Variants in DNM3 observed in about 807,000 individuals in gnomAD.
DNM3 encodes the protein dynamin-3.
DNM3 carries 47 observed loss-of-function variants against 101.6 expected under a neutral mutation model. That is an observed-to-expected ratio of 0.46 (90% confidence interval 0.37 to 0.59). The LOEUF is 0.59. Ranked by LOEUF, DNM3 falls within the 20% of genes least tolerant of loss-of-function variation. The pLI is 0.00. For missense variants in DNM3, 849 were observed against 1,085.7 expected, an observed-to-expected ratio of 0.78 and a Z score of 3.06; for synonymous variants, 385 against 387.9, an observed-to-expected ratio of 0.99 and a Z score of 0.09.
chr1:172,118,760 A>C (rs1454393200), intron 13 of DNM3, among the ~76,000 whole-genome samples: 1 of 152,108 alleles, frequency 6.6e-6, no homozygotes, highest in Non-Finnish European at 1.5e-5. Flanking sequence ...GGAGAGCCAG[A>C]GTGGTTTTTC....
chr1:172,244,453 C>T (rs2061871266), intron 14 of DNM3, among the ~76,000 whole-genome samples: 1 of 151,480 alleles, frequency 6.6e-6, no homozygotes, highest in Non-Finnish European at 1.5e-5. Flanking sequence ...GCAACCTACT[C>T]ATCTGACAAA....
intron 1 of DNM3, among the ~76,000 whole-genome samples, chr1:171,847,796 G>T (rs1321633816): frequency 6.6e-6 from 1 of 151,976 alleles, no homozygotes; most frequent in African/African-American, 2.4e-5. Context: ...GGAGGGTAAA[G>T]GAGTTGACAC....
chr1:172,245,284 T>C lies in DNM3; in HGVS notation c.1660-8289T>C, dbSNP rs141103393. Among the ~76,000 whole-genome samples, 32 of 152,318 alleles carry C rather than the reference T, an allele frequency of 2.1e-4. 1 individual carries two copies. The East Asian group carries it at 5.6e-3, about 27-fold the overall frequency. Reference sequence around the variant, plus strand: ...TAATAGTAATGGAGTTGCTTGTTTCTTTAGGGGTTTATCTTGTAGTTGGAA... The same window carrying C: ...TAATAGTAATGGAGTTGCTTGTTTCCTTAGGGGTTTATCTTGTAGTTGGAA... On this transcript the variant is annotated intron_variant, in intron 14 of 20. Coordinates refer to ENST00000627582, the MANE Select transcript of DNM3 (RefSeq NM_015569.5).
chr1:172,065,319 C>T (rs1291711308), intron 10 of DNM3, among the ~76,000 whole-genome samples: 1 of 152,168 alleles, frequency 6.6e-6, no homozygotes, highest in African/African-American at 2.4e-5. Context: ...AGTTACTTCT[C>T]TGAGGCAATG....
intron 17 of DNM3, among the ~76,000 whole-genome samples, chr1:172,378,463 T>C (rs182969269): frequency 1.4e-4 from 22 of 152,228 alleles, no homozygotes; most frequent in Admixed American, 1.4e-3. Context: ...ACGTAACAAA[T>C]TCCAGCAAGT....
intron 15 of DNM3, among the ~76,000 whole-genome samples, chr1:172,276,992 T>A (rs1210102587): frequency 1.3e-5 from 2 of 151,952 alleles, no homozygotes. Flanking sequence ...TTTAAAAAAA[T>A]ATGTGGCTAG....
At chr1:172,152,940 C>T (rs1166934933) in intron 14 of DNM3, among the ~76,000 whole-genome samples, 1 of 152,150 alleles carries the variant, frequency 6.6e-6, no homozygotes, top group Non-Finnish European at 1.5e-5. Flanking sequence ...ACAGTGAAAA[C>T]ACTAAAGCCA....
intron 2 of DNM3, among the ~76,000 whole-genome samples, chr1:171,985,906 G>A (rs1159196259): frequency 2.0e-5 from 3 of 152,162 alleles, no homozygotes; most frequent in Admixed American, 6.5e-5. Context: ...AACTTAGGGT[G>A]CTGACACTCA....
At chr1:172,191,029 C>T (rs2059701006) in intron 14 of DNM3, among the ~76,000 whole-genome samples, 1 of 152,100 alleles carries the variant, frequency 6.6e-6, no homozygotes, top group South Asian at 2.1e-4. Flanking sequence ...AATTAGATCC[C>T]ATTTGTCAAT....
chr1:172,366,504 G>A (rs570965861), intron 17 of DNM3: 1 of 152,034 alleles, frequency 6.6e-6, no homozygotes, highest in African/African-American at 2.4e-5. Context: ...CTAGCTGAAT[G>A]TCTGGAAAAC....
intron 2 of DNM3, among the ~76,000 whole-genome samples, chr1:171,932,391 G>A (rs1310105435): frequency 3.3e-5 from 5 of 151,278 alleles, no homozygotes; most frequent in South Asian, 2.1e-4. Context: ...GTGATCTTCC[G>A]AAAACAATTT....
intron 2 of DNM3, among the ~76,000 whole-genome samples, chr1:171,932,292 C>G (rs2125372069): frequency 6.6e-6 from 1 of 151,568 alleles, no homozygotes; most frequent in East Asian, 1.9e-4. Flanking sequence ...CGGGCATGCA[C>G]CACCAGGCAA....
At chr1:172,366,998 G>A (rs1290651829) in intron 17 of DNM3, among the ~76,000 whole-genome samples, 2 of 151,616 alleles carry the variant, frequency 1.3e-5, no homozygotes, top group Admixed American at 1.3e-4. Flanking sequence ...CTAGATCCAG[G>A]AAACTCAAAA....
chr1:172,135,865 A>C (rs1358546904), intron 14 of DNM3, among the ~76,000 whole-genome samples: 1 of 152,112 alleles, frequency 6.6e-6, no homozygotes, highest in Non-Finnish European at 1.5e-5. Context: ...AAAACCAATG[A>C]GAAATTTGTT....
rs370476092 is a variant in DNM3, at chr1:172,294,703, A to T, written c.1770-14025A>T. On this transcript the variant is annotated intron_variant, in intron 15 of 20. Transcript: ENST00000627582. Reference sequence around the variant, plus strand: ...CAACACAGGAGGATCGTTTGAGCTCACAAGTTCGAGACCAGCCTAGACAAT... The same window carrying T: ...CAACACAGGAGGATCGTTTGAGCTCTCAAGTTCGAGACCAGCCTAGACAAT... Among the ~76,000 whole-genome samples, 34 of 152,226 alleles carry T rather than the reference A, an allele frequency of 2.2e-4. 1 individual carries two copies. The highest frequency in any genetic ancestry group is 1.1e-3 in the Admixed American group (17 of 15,286).
chr1:172,410,282 C>G lies in DNM3; in HGVS notation c.*2441C>G, dbSNP rs866560717. 3.3e-5 allele frequency: 33 copies of G among 985,348 alleles called. No homozygotes were observed. The highest frequency in any genetic ancestry group is 5.2e-4 in the Middle Eastern group (1 of 1,914). 61.0% of individuals were successfully genotyped at this position (985,348 alleles called of 1,614,324 possible). A position where few individuals can be genotyped will look rare whatever the true frequency, so the allele number is the denominator to read the frequency against. ...AAACTCTAGTATGTGCATAGTTTGA[C>G]GTGCAGCATGCACACCAGGCCTTAA... On this transcript the variant is annotated 3_prime_UTR_variant, in exon 21 of 21. Coordinates refer to ENST00000627582, the MANE Select transcript of DNM3 (RefSeq NM_015569.5).
chr1:171,938,783 C>A (rs2041621664), intron 2 of DNM3, among the ~76,000 whole-genome samples: 1 of 152,092 alleles, frequency 6.6e-6, no homozygotes, highest in South Asian at 2.1e-4. Context: ...ATTGAGAGGT[C>A]AAAATGGTTC....
intron 14 of DNM3, among the ~76,000 whole-genome samples, chr1:172,231,428 C>T (rs989714943): frequency 2.6e-5 from 4 of 152,096 alleles, no homozygotes; most frequent in Non-Finnish European, 5.9e-5. Flanking sequence ...GACATCCACA[C>T]CAAAAACCCA....
Position 172,111,461 on chromosome 1 carries a change from T to C in DNM3, c.1545+18586T>C, listed in dbSNP as rs2055472945. ...CAGACATTCTATTGAGTACTTTATA[T>C]ACATTCATCTCACTTAGTATTTACA... is the stretch of plus-strand genomic sequence containing the variant. On this transcript the variant is annotated intron_variant, in intron 13 of 20. Coordinates refer to ENST00000627582, the MANE Select transcript of DNM3 (RefSeq NM_015569.5). Among the ~76,000 whole-genome samples, 2 of 152,248 alleles carry C rather than the reference T, an allele frequency of 1.3e-5. 1 individual carries two copies. Among genetic ancestry groups the C allele is most frequent in the Admixed American group, 1.3e-4 (2 of 15,286 alleles).
Sources: gnomAD v4.1 joint callset for allele counts (sites outside exome capture counted in the v4.1 genomes callset) on GRCh38, gnomAD v4.1.1 for gene constraint, MANE v1.5 for transcripts, NCBI Gene and HGNC (gene_info 2026-07-23, HGNC 2026-07-21) for gene names.